Variants in TRAPPC9 observed in about 807,000 individuals in gnomAD.
The protein encoded by TRAPPC9 is IKK2 binding protein.
In TRAPPC9, 83 loss-of-function variants were observed where a neutral mutation model predicts 124.0. That is an observed-to-expected ratio of 0.67 (90% confidence interval 0.56 to 0.80). The LOEUF is 0.80. TRAPPC9 is among the 30% of genes least tolerant of loss of function. The pLI, the probability that TRAPPC9 is intolerant of heterozygous loss-of-function variation, is 0.00. For missense variants in TRAPPC9, 1,302 were observed against 1,508.3 expected (o/e 0.86, Z 2.27); for synonymous variants, 638 against 617.5 (o/e 1.03, Z -0.49).
chr8:140,157,253 T>TCTC, intron 17 of TRAPPC9, among the ~76,000 whole-genome samples: 1 of 12,774 alleles, frequency 7.8e-5, no homozygotes, highest in African/African-American at 3.5e-4. Flanking sequence ...AAGCCTCCCT[T>TCTC]TTCCATTCAA....
chr8:139,777,856 G>A (rs1479562792), intron 21 of TRAPPC9, among the ~76,000 whole-genome samples: 2 of 152,236 alleles, frequency 1.3e-5, no homozygotes, highest in African/African-American at 4.8e-5. Flanking sequence ...AGCACAGGGA[G>A]TGGGGACCTC....
chr8:139,902,419 G>C (rs1831078399), intron 20 of TRAPPC9, among the ~76,000 whole-genome samples: 1 of 152,230 alleles, frequency 6.6e-6, no homozygotes, highest in Non-Finnish European at 1.5e-5. Context: ...CTCTGTGGCT[G>C]ACAGGGCTTC....
intron 17 of TRAPPC9, among the ~76,000 whole-genome samples, chr8:140,206,777 A>ATATATATATATATATATAT (rs1563845214): frequency 6.6e-6 from 1 of 151,338 alleles, no homozygotes; most frequent in African/African-American, 2.4e-5. Context: ...ATATATATTT[A>ATATATATATATATATATAT]AAAAGCCCGT....
At position 139,977,180 on chromosome 8, in the gene TRAPPC9, T is replaced by C. The variant is rs144366138; in HGVS notation, c.2810+11546A>G. Among the ~76,000 whole-genome samples, 1,025 of 152,120 alleles carry C rather than the reference T, an allele frequency of 6.7e-3. 15 individuals carry two copies. The highest frequency in any genetic ancestry group is 0.021 in the African/African-American group (879 of 41,502). The stretch of plus-strand genomic sequence containing the variant: ...GGGTTTTTCTGGGGACGAGAGGGCT[T>C]GAATGTGCCAGAACAGGTGTAACGG... On this transcript the variant is annotated intron_variant, in intron 19 of 22. Transcript: ENST00000438773.
chr8:139,929,520 G>GAA (rs10707681), intron 19 of TRAPPC9, among the ~76,000 whole-genome samples: 1 of 146,774 alleles, frequency 6.8e-6, no homozygotes, highest in Non-Finnish European at 1.5e-5. Context: ...CGGATCATGA[G>GAA]AAAAAAAAAA....
intron 19 of TRAPPC9, among the ~76,000 whole-genome samples, chr8:139,930,444 G>C (rs59629971): frequency 2.0e-5 from 3 of 152,154 alleles, no homozygotes. Flanking sequence ...GGAAAACAAG[G>C]GGGTCGATGA....
chr8:140,273,084 A>G (rs1403107487), intron 15 of TRAPPC9, among the ~76,000 whole-genome samples: 1 of 152,194 alleles, frequency 6.6e-6, no homozygotes, highest in African/African-American at 2.4e-5. Flanking sequence ...ACAGAACAGT[A>G]GGGCCAGACA....
intron 21 of TRAPPC9, among the ~76,000 whole-genome samples, chr8:139,837,856 T>A (rs1826461085): frequency 6.6e-6 from 1 of 151,738 alleles, no homozygotes; most frequent in Non-Finnish European, 1.5e-5. Flanking sequence ...TGTCTGTCTG[T>A]CCACAGGGCT....
intron 17 of TRAPPC9, among the ~76,000 whole-genome samples, chr8:140,208,639 C>A (rs937089574): frequency 3.3e-5 from 5 of 152,232 alleles, no homozygotes; most frequent in Non-Finnish European, 7.3e-5. Context: ...ATTTGCTTTC[C>A]TGTTCCCTCA....
rs1480353331 is a variant in TRAPPC9 at position 140,022,690 on chromosome 8, C to CT, written c.2699+1246dup. Among the ~76,000 whole-genome samples the CT allele has an allele frequency of 3.3e-5, 5 of 152,326 alleles. No individual in the cohort carries two copies. The East Asian group carries it at 5.8e-4, about 18-fold the overall frequency. ...ATGCTCAGAAAGGGCCTGAAATACT[C>CT]TAACATCCGCAGCCATCCTGGCCAA... is the stretch of plus-strand genomic sequence containing the variant. On this transcript the variant is annotated intron_variant, in intron 18 of 22. Transcript: ENST00000438773.
intron 17 of TRAPPC9, among the ~76,000 whole-genome samples, chr8:140,187,757 C>T (rs2062385008): frequency 6.6e-6 from 1 of 152,188 alleles, no homozygotes. Context: ...TCACTGCAGC[C>T]TCGACCTCCT....
intron 19 of TRAPPC9, among the ~76,000 whole-genome samples, chr8:139,927,868 C>T (rs912033181): frequency 3.3e-5 from 5 of 152,204 alleles, no homozygotes; most frequent in Admixed American, 3.3e-4. Flanking sequence ...CAAGTCCTCA[C>T]TATGTGATCC....
intron 19 of TRAPPC9, among the ~76,000 whole-genome samples, chr8:139,927,081 TGG>T (rs1832861391): frequency 6.6e-6 from 1 of 152,086 alleles, no homozygotes; most frequent in Non-Finnish European, 1.5e-5. Context: ...TCCACAGTCA[TGG>T]GGGAAATGTA....
intron 11 of TRAPPC9, among the ~76,000 whole-genome samples, chr8:140,291,543 G>A (rs1051099818): frequency 1.3e-5 from 2 of 152,214 alleles, no homozygotes; most frequent in Admixed American, 1.3e-4. Flanking sequence ...ACCTGTGCAG[G>A]GGCAGAATTC....
chr8:140,419,297 C>T (rs1230892043), intron 5 of TRAPPC9, among the ~76,000 whole-genome samples: 2 of 151,208 alleles, frequency 1.3e-5, no homozygotes, highest in Non-Finnish European at 3.0e-5. Context: ...CGCGTGGTGG[C>T]GGGCACCTGT....
At chr8:140,085,275 G>A (rs1844111707) in intron 17 of TRAPPC9, among the ~76,000 whole-genome samples, 1 of 149,836 alleles carries the variant, frequency 6.7e-6, no homozygotes, top group Middle Eastern at 3.4e-3. Flanking sequence ...TACACCACTT[G>A]CCCTTATTTT....
chr8:140,182,450 C>A lies in TRAPPC9; in HGVS notation c.2556+39009G>T, dbSNP rs1308016413. On this transcript the variant is annotated intron_variant, in intron 17 of 22. Transcript: ENST00000438773. This position sits in a 1 kb window ranked among gnomAD's most constrained non-coding sequence, Gnocchi z 4.0. ...CTTCCCAAAGCTGTTATTCGATAGA[C>A]AGAAAACAGCTTCACTACTGATACA... Among the ~76,000 whole-genome samples the A allele has an allele frequency of 6.6e-6, 1 of 151,984 alleles. No individual in the cohort carries two copies. The highest frequency in any genetic ancestry group is 1.5e-5 in the Non-Finnish European group (1 of 68,016).
chr8:140,312,963 T>C (rs2066339659), intron 9 of TRAPPC9, among the ~76,000 whole-genome samples: 1 of 152,102 alleles, frequency 6.6e-6, no homozygotes, highest in South Asian at 2.1e-4. Context: ...TCTCACTACA[T>C]TGCCCAGGCT....
rs2065094344 is a variant in TRAPPC9 at position 140,275,709 on chromosome 8, T to C, written c.2227A>G (p.Met743Val). 1.9e-6 allele frequency: 3 copies of C among 1,614,186 alleles called. No homozygotes were observed. The highest frequency in any genetic ancestry group is 2.5e-6 in the Non-Finnish European group (3 of 1,180,004). Residue 743 changes from methionine to valine, a missense_variant, in exon 15 of 23, where the codon ATG (methionine) becomes GTG (valine). Physicochemically the swap from Met to Val is conservative, Grantham distance 21. Coordinates refer to ENST00000438773, the MANE Select transcript of TRAPPC9 (RefSeq NM_001160372.4). ...QLIIKLENIG[M>V]EPLEKLEVTS... is the part of the protein sequence containing the mutation. ...ACCTCCAGTTTCTCCAATGGTTCCA[T>C]TCCAATATTTTCCAATTTAATGATT...
Sources: allele counts gnomAD v4.1 joint callset (sites outside exome capture counted in the v4.1 genomes callset), GRCh38; gene constraint gnomAD v4.1.1; non-coding constraint Gnocchi (gnomAD v3.1); transcripts MANE v1.5; gene names NCBI Gene and HGNC (gene_info 2026-07-23, HGNC 2026-07-21).